SGCZ: variants seen among roughly 807,000 people sequenced by gnomAD.
The protein encoded by SGCZ is zeta-sarcoglycan.
Under a neutral mutation model 41.3 loss-of-function variants are expected in SGCZ, and 40 were observed. The ratio of observed to expected loss-of-function variants is 0.97; its 90% CI spans 0.75 to 1.26. SGCZ has a LOEUF of 1.26. SGCZ is among the 50% of genes most tolerant of loss of function. SGCZ has a pLI of 0.00. For missense variants in SGCZ, 552 were observed against 369.8 expected (o/e 1.49, Z -4.04); for synonymous variants, 206 against 137.5 (o/e 1.50, Z -3.49).
intron 1 of SGCZ, among the ~76,000 whole-genome samples, chr8:14,948,484 G>GAA (rs1800527270): frequency 6.6e-6 from 1 of 150,644 alleles, no homozygotes; most frequent in Non-Finnish European, 1.5e-5. Context: ...GAGAGAGAGA[G>GAA]AGAGAGAGGT....
chr8:14,874,872 G>C (rs1468259778), intron 1 of SGCZ, among the ~76,000 whole-genome samples: 1 of 152,122 alleles, frequency 6.6e-6, no homozygotes, highest in Non-Finnish European at 1.5e-5. Context: ...ATCCCACAAT[G>C]CTCCTGTAAA....
At chr8:15,160,750 A>G (rs900373347) in intron 1 of SGCZ, among the ~76,000 whole-genome samples, 1 of 152,182 alleles carries the variant, frequency 6.6e-6, no homozygotes, top group South Asian at 2.1e-4. Flanking sequence ...TCTGACTTCA[A>G]TTGGTGCTCT....
chr8:15,095,000 T>C (rs1337919470), intron 1 of SGCZ, among the ~76,000 whole-genome samples: 1 of 152,208 alleles, frequency 6.6e-6, no homozygotes, highest in East Asian at 1.9e-4. Context: ...AGCCACAGTG[T>C]TACCTTCATT....
rs1332217231 is a variant in SGCZ at position 14,340,679 on chromosome 8, G to A, written c.235-16475C>T. ...AGAGCCTATGACACAGTAGCTTATA[G>A]CAGACTAATGCATCCACTGATAATA... On this transcript the variant is annotated intron_variant, in intron 2 of 7. Transcript: ENST00000382080. Among the ~76,000 whole-genome samples the A allele has an allele frequency of 3.3e-5, 5 of 152,232 alleles. No homozygotes were observed. The East Asian group carries it at 7.7e-4, about 24-fold the overall frequency.
intron 1 of SGCZ, among the ~76,000 whole-genome samples, chr8:15,067,618 TACC>T (rs1424381422): frequency 7.4e-6 from 1 of 135,918 alleles, no homozygotes; most frequent in African/African-American, 2.7e-5. Context: ...TTTATATTTG[TACC>T]ACTTCTTAGT....
At chr8:14,158,645 G>A (rs1803950000) in intron 5 of SGCZ, among the ~76,000 whole-genome samples, 1 of 152,170 alleles carries the variant, frequency 6.6e-6, no homozygotes, top group Admixed American at 6.5e-5. Flanking sequence ...TAGATATTTG[G>A]AAACCATGAG....
At chr8:14,741,223 C>T (rs1373955426) in intron 1 of SGCZ, among the ~76,000 whole-genome samples, 1 of 151,800 alleles carries the variant, frequency 6.6e-6, no homozygotes, top group Non-Finnish European at 1.5e-5. Context: ...TATCTCCTGC[C>T]CTCCCATTAA....
At position 14,320,093 on chromosome 8, in the gene SGCZ, T is replaced by A. The variant is rs1046595443; in HGVS notation, c.336+4010A>T. ...TAATTATATACCGGTGATATGTTCATGAAATGTTAACAGTATTTTTTTTTC... is the reference window on the plus strand; with the variant it reads ...TAATTATATACCGGTGATATGTTCAAGAAATGTTAACAGTATTTTTTTTTC... On this transcript the variant is annotated intron_variant, in intron 3 of 7. Coordinates refer to ENST00000382080, the MANE Select transcript of SGCZ (RefSeq NM_139167.4). Among the ~76,000 whole-genome samples, 4 of 151,996 alleles carry A rather than the reference T, an allele frequency of 2.6e-5. No homozygotes were observed. The Admixed American group carries it at 2.6e-4, about 10-fold the overall frequency.
chr8:14,442,636 T>G (rs1048308601), intron 2 of SGCZ, among the ~76,000 whole-genome samples: 1 of 152,188 alleles, frequency 6.6e-6, no homozygotes, highest in Non-Finnish European at 1.5e-5. Flanking sequence ...TATATAGAGT[T>G]GATACTTTCT....
rs987254316 is a variant in SGCZ, at chr8:14,086,059, G to A, written c.*4384C>T. Among the ~76,000 whole-genome samples the A allele has an allele frequency of 4.6e-5, 7 of 151,536 alleles. No individual in the cohort carries two copies. Among genetic ancestry groups the A allele is most frequent in the Non-Finnish European group, 1.0e-4 (7 of 67,728 alleles). ...ATTTCCTTTGTGATAATGATATTTT[G>A]TAGTGTTCATTACTGTAATATACAC... On this transcript the variant is annotated 3_prime_UTR_variant, in exon 8 of 8. Transcript: ENST00000382080.
chr8:14,901,777 A>C (rs1585363340), intron 1 of SGCZ, among the ~76,000 whole-genome samples: 1 of 152,316 alleles, frequency 6.6e-6, no homozygotes, highest in East Asian at 1.9e-4. Flanking sequence ...AACAGACTAT[A>C]CCAAGAAAAT....
chr8:14,464,046 TC>T (rs1308983930), intron 2 of SGCZ, among the ~76,000 whole-genome samples: 2 of 151,842 alleles, frequency 1.3e-5, no homozygotes, highest in Non-Finnish European at 3.0e-5. Context: ...GAGCTTTGTA[TC>T]AATGTTCATA....
intron 1 of SGCZ, among the ~76,000 whole-genome samples, chr8:15,013,064 T>C (rs1414489991): frequency 2.0e-5 from 3 of 152,172 alleles, no homozygotes; most frequent in African/African-American, 4.8e-5. Flanking sequence ...AATGGATTTA[T>C]GGTAACATTT....
rs1285817673 is a variant in SGCZ, at chr8:14,108,514, G to C, written c.548-279C>G. On this transcript the variant is annotated intron_variant, in intron 5 of 7. Transcript: ENST00000382080. Reference sequence around the variant, plus strand: ...CATCGCGGTGGCAAGAGAAAAATGAGGAAGACGCAAAAGCAGAAACCCCTG... The same window carrying C: ...CATCGCGGTGGCAAGAGAAAAATGACGAAGACGCAAAAGCAGAAACCCCTG... Among the ~76,000 whole-genome samples the C allele has an allele frequency of 2.0e-5, 3 of 152,042 alleles. No homozygotes were observed. The South Asian group carries it at 6.2e-4, about 32-fold the overall frequency.
At position 14,851,705 on chromosome 8, in the gene SGCZ, T is replaced by C. The variant is rs1185670368; in HGVS notation, c.40-296779A>G. Reference sequence around the variant, plus strand: ...GAGGTAATCCATTTATAGAACATGATTTTCCATTTATATATATCTATCCTT... The same window carrying C: ...GAGGTAATCCATTTATAGAACATGACTTTCCATTTATATATATCTATCCTT... On this transcript the variant is annotated intron_variant, in intron 1 of 7. Coordinates refer to ENST00000382080, the MANE Select transcript of SGCZ (RefSeq NM_139167.4). Among the ~76,000 whole-genome samples, 7 of 152,280 alleles carry C rather than the reference T, an allele frequency of 4.6e-5. No individual in the cohort carries two copies. In the South Asian group the frequency reaches 1.5e-3, roughly 32 times the overall value.
intron 4 of SGCZ, among the ~76,000 whole-genome samples, chr8:14,167,879 T>C (rs1804255825): frequency 6.6e-6 from 1 of 152,200 alleles, no homozygotes. Context: ...TACTGGTCTT[T>C]GTATGTTCTA....
intron 3 of SGCZ, among the ~76,000 whole-genome samples, chr8:14,322,022 T>G (rs1462902025): frequency 1.3e-5 from 2 of 152,136 alleles, no homozygotes; most frequent in African/African-American, 4.8e-5. Flanking sequence ...AATCATAATG[T>G]GAGAGGTGCT....
intron 2 of SGCZ, among the ~76,000 whole-genome samples, chr8:14,366,909 C>A (rs1803729234): frequency 6.6e-6 from 1 of 152,152 alleles, no homozygotes; most frequent in Non-Finnish European, 1.5e-5. Context: ...GTAACATACC[C>A]TGGAGACATT....
At chr8:15,140,947 G>A (rs891147178) in intron 1 of SGCZ, among the ~76,000 whole-genome samples, 1 of 152,134 alleles carries the variant, frequency 6.6e-6, no homozygotes, top group African/African-American at 2.4e-5. Flanking sequence ...CATTTAATGA[G>A]GAACTATTAT....
Sources: allele counts gnomAD v4.1 joint callset (sites outside exome capture counted in the v4.1 genomes callset), GRCh38; gene constraint gnomAD v4.1.1; transcripts MANE v1.5; gene names NCBI Gene and HGNC (gene_info 2026-07-23, HGNC 2026-07-21).